Variants in CCDC30 observed in about 807,000 individuals in gnomAD.
CCDC30 encodes the protein coiled-coil domain containing 30.
Under a neutral mutation model 100.2 loss-of-function variants are expected in CCDC30, and 70 were observed. The observed-to-expected ratio is 0.70, with a 90% confidence interval of 0.58 to 0.85. The LOEUF is 0.85. Ranked by LOEUF, CCDC30 falls within the 40% of genes least tolerant of loss-of-function variation. The pLI, the probability that CCDC30 is intolerant of heterozygous loss-of-function variation, is 0.00. For synonymous variants in CCDC30, 233 were observed against 269.5 expected (o/e 0.86, Z 1.33); for missense variants, 652 against 771.2 (o/e 0.85, Z 1.83).
chr1:42,545,188 A>G (rs1351072203), intron 6 of CCDC30, among the ~76,000 whole-genome samples: 3 of 144,152 alleles, frequency 2.1e-5, no homozygotes, highest in Non-Finnish European at 3.0e-5. Flanking sequence ...AAAAAAAAAA[A>G]GGGAATTTAC....
At chr1:42,611,981 T>G (rs1010595172) in intron 11 of CCDC30, among the ~76,000 whole-genome samples, 1 of 152,218 alleles carries the variant, frequency 6.6e-6, no homozygotes, top group Non-Finnish European at 1.5e-5. Flanking sequence ...TGTAATTATT[T>G]ATGGCACACC....
intron 1 of CCDC30, among the ~76,000 whole-genome samples, chr1:42,477,817 G>T (rs904264643): frequency 3.3e-5 from 5 of 152,198 alleles, no homozygotes; most frequent in African/African-American, 1.2e-4. Context: ...AGAAAGACAG[G>T]ATGGGTAGGG....
At chr1:42,458,590 A>G (rs1003611011), upstream of CCDC30, among the ~76,000 whole-genome samples, 1 of 152,254 alleles carries the variant, frequency 6.6e-6, no homozygotes, top group African/African-American at 2.4e-5. Context: ...GTAGTGATAA[A>G]TGCTAAGGAG....
intron 15 of CCDC30, among the ~76,000 whole-genome samples, chr1:42,651,907 C>T (rs541671452): frequency 2.0e-5 from 3 of 152,002 alleles, no homozygotes; most frequent in Admixed American, 1.3e-4. Flanking sequence ...AATGTGTTGG[C>T]AAGGATGTGG....
intron 10 of CCDC30, among the ~76,000 whole-genome samples, chr1:42,607,555 T>TAA (rs60204912): frequency 1.4e-4 from 13 of 89,726 alleles, no homozygotes; most frequent in Admixed American, 7.3e-4. Flanking sequence ...CTTGTCTCTA[T>TAA]AAAAAAAAAA....
chr1:42,510,123 G>A (rs914105593), intron 6 of CCDC30: 6 of 985,396 alleles, frequency 6.1e-6, no homozygotes, highest in Non-Finnish European at 7.2e-6. Context: ...GCATCTGGAA[G>A]TTGCATTTGA....
chr1:42,639,033 C>T (rs1000777188), intron 12 of CCDC30, among the ~76,000 whole-genome samples: 5 of 152,164 alleles, frequency 3.3e-5, no homozygotes, highest in Non-Finnish European at 7.3e-5. Flanking sequence ...GAAAAACAGT[C>T]TTCTGCTTTC....
the CCDC30 span, chr1:42,456,707 C>T: frequency 6.2e-7 from 1 of 1,608,486 alleles, no homozygotes; most frequent in Non-Finnish European, 8.5e-7. Context: ...CACCAAGGTC[C>T]CACTGGAAGC....
intron 11 of CCDC30, among the ~76,000 whole-genome samples, chr1:42,613,945 C>T (rs1646675355): frequency 6.6e-6 from 1 of 152,106 alleles, no homozygotes; most frequent in African/African-American, 2.4e-5. Flanking sequence ...TGGAGTTGCT[C>T]TGGTTCAAAT....
chr1:42,603,998 T>C (rs1467696994), intron 10 of CCDC30, among the ~76,000 whole-genome samples: 1 of 152,116 alleles, frequency 6.6e-6, no homozygotes, highest in African/African-American at 2.4e-5. Context: ...GGTGGGAGGA[T>C]TGCTTGAGGC....
At chr1:42,510,995 A>G (rs1364765173) in intron 6 of CCDC30, among the ~76,000 whole-genome samples, 4 of 152,070 alleles carry the variant, frequency 2.6e-5, no homozygotes, top group Admixed American at 1.3e-4. Flanking sequence ...TTCAGAAAGC[A>G]CTACAGAGAG....
upstream of CCDC30, among the ~76,000 whole-genome samples, chr1:42,463,053 C>T (rs1203908760): frequency 4.6e-5 from 7 of 152,208 alleles, no homozygotes; most frequent in African/African-American, 7.2e-5. Flanking sequence ...AAAATGTATT[C>T]GCTAAGTCGC....
chr1:42,625,055 T>G (rs1240301799), intron 11 of CCDC30, among the ~76,000 whole-genome samples: 1 of 152,170 alleles, frequency 6.6e-6, no homozygotes, highest in East Asian at 1.9e-4. Flanking sequence ...GGCTTTGATT[T>G]CCTTATTTGT....
intron 1 of CCDC30, among the ~76,000 whole-genome samples, chr1:42,470,877 T>G (rs1360441417): frequency 6.6e-6 from 1 of 152,214 alleles, no homozygotes; most frequent in Non-Finnish European, 1.5e-5. Context: ...TGGAAATGAT[T>G]GTGGTGATGG....
At chr1:42,598,333 A>G (rs1490295482) in intron 10 of CCDC30, among the ~76,000 whole-genome samples, 2 of 151,640 alleles carry the variant, frequency 1.3e-5, no homozygotes, top group Admixed American at 1.3e-4. Context: ...TCTGGGCAAC[A>G]TAGTGATAAC....
At chr1:42,487,937 C>T (rs569363366) in intron 3 of CCDC30, among the ~76,000 whole-genome samples, 8 of 152,152 alleles carry the variant, frequency 5.3e-5, no homozygotes, top group Non-Finnish European at 2.9e-5. Context: ...CCTAGAGAAA[C>T]GTGAACTAGT....
chr1:42,562,501 C>A (rs1335381525), intron 6 of CCDC30, among the ~76,000 whole-genome samples: 1 of 152,130 alleles, frequency 6.6e-6, no homozygotes, highest in Non-Finnish European at 1.5e-5. Context: ...ACCACAATAA[C>A]CCTAGAAGAA....
intron 10 of CCDC30, chr1:42,591,614 GAGA>G (rs936708508): frequency 6.6e-6 from 1 of 152,318 alleles, no homozygotes; most frequent in African/African-American, 2.4e-5. Flanking sequence ...AGCCCTCACA[GAGA>G]AGTTCTAATA....
chr1:42,616,533 T>C (rs981057651), intron 11 of CCDC30, among the ~76,000 whole-genome samples: 1 of 152,266 alleles, frequency 6.6e-6, no homozygotes, highest in African/African-American at 2.4e-5. Flanking sequence ...GGTTATTTTT[T>C]ACGTTTTCTC....
Sources: allele counts gnomAD v4.1 joint callset (sites outside exome capture counted in the v4.1 genomes callset), GRCh38; gene constraint gnomAD v4.1.1; transcripts MANE v1.5; gene names NCBI Gene and HGNC (gene_info 2026-07-23, HGNC 2026-07-21).